The following RSU1 variants were observed in gnomAD, a reference collection of about 807,000 sequenced individuals.
RSU1 encodes rsu-1.
In RSU1, 26 loss-of-function variants were observed where a neutral mutation model predicts 31.1. The observed-to-expected ratio is 0.84, with a 90% CI of 0.61 to 1.16. The LOEUF (loss-of-function observed/expected upper bound fraction) is 1.16. Among genes scored for constraint, RSU1 ranks in the 50% most tolerant of loss-of-function variants. The pLI, the probability that RSU1 is intolerant of heterozygous loss-of-function variation, is 0.00. For missense variants in RSU1, 320 were observed against 339.1 expected, an observed-to-expected ratio of 0.94 and a Z score of 0.44; for synonymous variants, 164 against 136.3, an observed-to-expected ratio of 1.20 and a Z score of -1.41.
rs1833490226 is a variant in RSU1, at chr10:16,590,645, C to T, written c.*2749G>A. On this transcript the variant is annotated 3_prime_UTR_variant, in exon 9 of 9. Transcript: ENST00000345264. ...GAAAAATACATGCATTTAATATTTT[C>T]TGATTACAAAAGTATATGTGTTCAT... The T allele has an allele frequency of 6.6e-6, 1 of 152,124 alleles. No homozygotes were observed. The highest frequency in any genetic ancestry group is 2.4e-5 in the African/African-American group (1 of 41,420). 9.4% of individuals were successfully genotyped at this position (152,124 alleles called of 1,614,324 possible).
intron 8 of RSU1, among the ~76,000 whole-genome samples, chr10:16,671,479 T>C (rs1478187386): frequency 6.6e-6 from 1 of 152,138 alleles, no homozygotes; most frequent in Non-Finnish European, 1.5e-5. Flanking sequence ...GGCAGGGTCT[T>C]GTTCTGTTGT....
chr10:16,812,932 A>T (rs1218691039), intron 2 of RSU1, among the ~76,000 whole-genome samples: 1 of 152,134 alleles, frequency 6.6e-6, no homozygotes, highest in Non-Finnish European at 1.5e-5. Context: ...TCTGCAGTGA[A>T]ATCTCTTTAA....
chr10:16,675,984 A>C (rs969732848), intron 8 of RSU1, among the ~76,000 whole-genome samples: 1 of 152,212 alleles, frequency 6.6e-6, no homozygotes, highest in African/African-American at 2.4e-5. Context: ...TCACGCAGAA[A>C]GCTTGGTAAA....
chr10:16,675,403 C>T, intron 8 of RSU1, among the ~76,000 whole-genome samples: 1 of 152,060 alleles, frequency 6.6e-6, no homozygotes, highest in Non-Finnish European at 1.5e-5. Context: ...TACTGAGTGG[C>T]CCACACTTCT....
At chr10:16,663,950 G>T (rs527698472) in intron 8 of RSU1, among the ~76,000 whole-genome samples, 1 of 152,094 alleles carries the variant, frequency 6.6e-6, no homozygotes, top group Non-Finnish European at 1.5e-5. Context: ...TCTTTCTTGG[G>T]CAGTGACGGG....
At chr10:16,607,838 G>A (rs1833830504) in intron 8 of RSU1, among the ~76,000 whole-genome samples, 1 of 152,134 alleles carries the variant, frequency 6.6e-6, no homozygotes, top group Non-Finnish European at 1.5e-5. Flanking sequence ...CTGTGCTCTG[G>A]TTAGATTATG....
intron 7 of RSU1, among the ~76,000 whole-genome samples, chr10:16,727,347 T>A (rs1258732182): frequency 1.3e-5 from 2 of 152,288 alleles, no homozygotes; most frequent in East Asian, 3.9e-4. Flanking sequence ...TGCTACCTTT[T>A]CTGAGATAAA....
In RSU1 at chr10:16,592,824, G is replaced by A. The variant is rs999048960; in HGVS notation, c.*570C>T. On this transcript the variant is annotated 3_prime_UTR_variant, in exon 9 of 9. Transcript: ENST00000345264. Reference sequence around the variant, plus strand: ...ATGTATAACCAATAAAATTGGATAAGATGATTTTGGGGGAGAAAAGTAAAT... The same window carrying A: ...ATGTATAACCAATAAAATTGGATAAAATGATTTTGGGGGAGAAAAGTAAAT... The A allele has an allele frequency of 6.6e-6, 1 of 152,206 alleles. No individual in the cohort carries two copies. The highest frequency in any genetic ancestry group is 1.5e-5 in the Non-Finnish European group (1 of 68,040). 9.4% of individuals were successfully genotyped at this position (152,206 alleles called of 1,614,324 possible). A position where few individuals can be genotyped will look rare whatever the true frequency, so the allele number is the denominator to read the frequency against.
At chr10:16,668,527 T>C (rs1278092552) in intron 8 of RSU1, among the ~76,000 whole-genome samples, 1 of 152,250 alleles carries the variant, frequency 6.6e-6, no homozygotes, top group Non-Finnish European at 1.5e-5. Context: ...ATCATTTCTA[T>C]GGTTTCCTGA....
chr10:16,600,058 A>G (rs1298232654), intron 8 of RSU1, among the ~76,000 whole-genome samples: 2 of 150,484 alleles, frequency 1.3e-5, no homozygotes, highest in Non-Finnish European at 2.9e-5. Flanking sequence ...AAGAAGTGGG[A>G]AAAAAACGAG....
intron 7 of RSU1, among the ~76,000 whole-genome samples, chr10:16,706,663 C>T (rs544022798): frequency 6.6e-6 from 1 of 152,208 alleles, no homozygotes; most frequent in African/African-American, 2.4e-5. Flanking sequence ...CCTATCTATG[C>T]TATATAATTA....
At chr10:16,805,662 G>A (rs373362160) in intron 2 of RSU1, among the ~76,000 whole-genome samples, 71 of 111,344 alleles carry the variant, frequency 6.4e-4, no homozygotes, top group Middle Eastern at 5.3e-3. Context: ...GCGAGACTCC[G>A]TCTCAAAAAA....
At chr10:16,660,672 G>A (rs1385331366) in intron 8 of RSU1, among the ~76,000 whole-genome samples, 2 of 68,524 alleles carry the variant, frequency 2.9e-5, no homozygotes, top group Non-Finnish European at 4.9e-5. Context: ...TTTGAGGAAG[G>A]CTCTCGTTCT....
chr10:16,661,034 G>A (rs1253529035), intron 8 of RSU1, among the ~76,000 whole-genome samples: 1 of 151,880 alleles, frequency 6.6e-6, no homozygotes, highest in African/African-American at 2.4e-5. Flanking sequence ...TTCATTTCTT[G>A]TTATTCTATT....
At chr10:16,773,458 G>A (rs1433638548) in intron 3 of RSU1, among the ~76,000 whole-genome samples, 2 of 152,170 alleles carry the variant, frequency 1.3e-5, no homozygotes, top group African/African-American at 4.8e-5. Context: ...GAAGGAGTAA[G>A]GATCCAGAGC....
rs1554764458 is a variant in RSU1, at chr10:16,661,287, C to CGCGTGTGTGTGT, written c.731+33735_731+33736insACACACACACGC. ...GTGTATGTGTGATATGTAGAGAGTG[C>CGCGTGTGTGTGT]GTGTGTGTGTGTGTGTGTGTGTGTG... On this transcript the variant is annotated intron_variant, in intron 8 of 8. Coordinates refer to ENST00000345264, the MANE Select transcript of RSU1 (RefSeq NM_012425.4). 2.3e-5 allele frequency among the ~76,000 whole-genome samples: 3 copies of CGCGTGTGTGTGT among 132,830 alleles called. No homozygotes were observed. In the Admixed American group the frequency reaches 2.3e-4, roughly 10 times the overall value. The allele number at this position is 132,830 out of a possible 152,430, so 87.1% of individuals were successfully genotyped here.
chr10:16,803,866 C>T (rs1838212830), intron 2 of RSU1, among the ~76,000 whole-genome samples: 1 of 152,060 alleles, frequency 6.6e-6, no homozygotes, highest in Non-Finnish European at 1.5e-5. Context: ...AAACACAAAG[C>T]TATAAAAATT....
intron 8 of RSU1, among the ~76,000 whole-genome samples, chr10:16,626,833 G>A (rs1834167160): frequency 6.6e-6 from 1 of 152,128 alleles, no homozygotes; most frequent in Non-Finnish European, 1.5e-5. Flanking sequence ...AGGTTTGGAT[G>A]CCAGATGTCT....
intron 3 of RSU1, among the ~76,000 whole-genome samples, chr10:16,775,326 A>T (rs549893866): frequency 6.6e-6 from 1 of 151,892 alleles, no homozygotes; most frequent in South Asian, 2.1e-4. Flanking sequence ...ACAGGCTTAC[A>T]CTCCCCCGTC....
Sources: allele counts gnomAD v4.1 joint callset (sites outside exome capture counted in the v4.1 genomes callset), GRCh38; gene constraint gnomAD v4.1.1; transcripts MANE v1.5; gene names NCBI Gene and HGNC (gene_info 2026-07-23, HGNC 2026-07-21).